Variants in ANKFN1 observed in about 807,000 individuals in gnomAD.
ANKFN1 encodes the protein ankyrin repeat and fibronectin type III domain containing 1, also known as ankyrin repeat and fibronectin type-III domain-containing protein 1.
In ANKFN1, 74 loss-of-function variants were observed where a neutral mutation model predicts 108.7. That is an observed-to-expected ratio of 0.68 (90% confidence interval 0.56 to 0.83). The LOEUF (loss-of-function observed/expected upper bound fraction) is 0.83. Among genes scored for constraint, ANKFN1 ranks in the 40% least tolerant of loss-of-function variants. ANKFN1 has a pLI of 0.00. For synonymous variants in ANKFN1, 547 were observed against 516.2 expected (o/e 1.06, Z -0.81); for missense variants, 1,505 against 1,382.3 (o/e 1.09, Z -1.41).
intron 4 of ANKFN1, among the ~76,000 whole-genome samples, chr17:56,140,460 G>A (rs1907852984): frequency 6.6e-6 from 1 of 152,110 alleles, no homozygotes; most frequent in African/African-American, 2.4e-5. Context: ...TTTCTCACTA[G>A]TGGCCTGCCA....
chr17:56,119,804 T>A (rs143618388), intron 4 of ANKFN1, among the ~76,000 whole-genome samples: 4 of 152,280 alleles, frequency 2.6e-5, no homozygotes, highest in African/African-American at 9.6e-5. Context: ...ATAGATTAAG[T>A]TATTTAATAG....
intron 6 of ANKFN1, among the ~76,000 whole-genome samples, chr17:56,354,701 T>C (rs1463969641): frequency 1.3e-5 from 2 of 152,162 alleles, no homozygotes; most frequent in African/African-American, 4.8e-5. Context: ...CACCCCTCAG[T>C]CTTCGGTAAA....
intron 8 of ANKFN1, among the ~76,000 whole-genome samples, chr17:56,378,966 C>T (rs1409920469): frequency 6.6e-6 from 1 of 152,156 alleles, no homozygotes; most frequent in East Asian, 1.9e-4. Context: ...ATTCTCCAAC[C>T]ATCTTGTAAA....
intron 1 of ANKFN1, among the ~76,000 whole-genome samples, chr17:56,167,318 C>CACACATAT (rs1461054331): frequency 7.5e-6 from 1 of 133,250 alleles, no homozygotes; most frequent in African/African-American, 2.8e-5. Flanking sequence ...CACACACACA[C>CACACATAT]ATATATATAT....
chr17:56,201,921 C>G (rs1198743181), intron 1 of ANKFN1, among the ~76,000 whole-genome samples: 1 of 152,146 alleles, frequency 6.6e-6, no homozygotes, highest in East Asian at 1.9e-4. Flanking sequence ...AAGAAATAAA[C>G]TAGGTCCATC....
intron 4 of ANKFN1, among the ~76,000 whole-genome samples, chr17:56,101,876 G>A (rs112841661): frequency 0.011 from 1,697 of 152,312 alleles, 33 homozygotes; most frequent in African/African-American, 0.039. Flanking sequence ...ATGAATCAGA[G>A]TCTCTGGAGG....
At chr17:56,052,234 G>T (rs557681630) in intron 4 of ANKFN1, among the ~76,000 whole-genome samples, 19 of 152,212 alleles carry the variant, frequency 1.2e-4, no homozygotes, top group African/African-American at 4.6e-4. Context: ...ATAGATAAAT[G>T]ATTTTTTTTA....
At chr17:56,360,093 G>T (rs2046476685) in intron 6 of ANKFN1, among the ~76,000 whole-genome samples, 1 of 152,100 alleles carries the variant, frequency 6.6e-6, no homozygotes, top group Admixed American at 6.6e-5. Context: ...ATAAGAATAT[G>T]TAAAGAACAA....
rs774546568 is a variant in ANKFN1, at chr17:56,466,581, T to C, written c.1773+10T>C. 7 of 1,590,444 alleles carry C rather than the reference T, an allele frequency of 4.4e-6. No homozygotes were observed. Among genetic ancestry groups the C allele is most frequent in the Non-Finnish European group, 6.0e-6 (7 of 1,167,230 alleles). ...ACTGATAACCATCCAGGTATGTAGTTTTTTTCTTAATTCCCGGGTATACTT... is the reference window on the plus strand; with the variant it reads ...ACTGATAACCATCCAGGTATGTAGTCTTTTTCTTAATTCCCGGGTATACTT... On this transcript the variant is annotated intron_variant, in intron 15 of 20. Coordinates refer to ENST00000682825, the MANE Select transcript of ANKFN1 (RefSeq NM_001370326.1).
At chr17:56,149,893 G>A (rs565745234), upstream of ANKFN1, among the ~76,000 whole-genome samples, 32 of 152,332 alleles carry the variant, frequency 2.1e-4, no homozygotes, top group African/African-American at 6.5e-4. Flanking sequence ...TTCCAGGGTT[G>A]GAAGGAAGCC....
intron 10 of ANKFN1, among the ~76,000 whole-genome samples, chr17:56,448,186 G>A (rs1219802064): frequency 6.6e-6 from 1 of 151,942 alleles, no homozygotes; most frequent in African/African-American, 2.4e-5. Context: ...AAGACATTAA[G>A]TTGTTGCTTT....
At chr17:56,274,780 A>G (rs1331389738) in intron 3 of ANKFN1, among the ~76,000 whole-genome samples, 2 of 152,150 alleles carry the variant, frequency 1.3e-5, no homozygotes, top group African/African-American at 2.4e-5. Context: ...GTTCAAGCTG[A>G]ATGTATTCAT....
intron 20 of ANKFN1, among the ~76,000 whole-genome samples, chr17:56,509,049 CA>C (rs1431052961): frequency 6.6e-6 from 1 of 152,110 alleles, no homozygotes; most frequent in Non-Finnish European, 1.5e-5. Context: ...CAGTGGAGCT[CA>C]AAAAGGCAGA....
At chr17:56,332,558 C>T (rs1329864122) in intron 4 of ANKFN1, among the ~76,000 whole-genome samples, 1 of 151,896 alleles carries the variant, frequency 6.6e-6, no homozygotes, top group African/African-American at 2.4e-5. Flanking sequence ...ATCTTTTTTC[C>T]TATTGAATTA....
chr17:56,353,690 C>A, intron 5 of ANKFN1, 146 bp from the exon 6 acceptor site: 1 of 691,762 alleles, frequency 1.4e-6, no homozygotes, highest in Non-Finnish European at 2.5e-6. Flanking sequence ...AGAGTGTTTA[C>A]TTTGGAGACC....
intron 8 of ANKFN1, among the ~76,000 whole-genome samples, chr17:56,417,357 C>T (rs964696241): frequency 2.0e-5 from 3 of 152,006 alleles, no homozygotes; most frequent in Non-Finnish European, 2.9e-5. Context: ...TACTACGTAC[C>T]CACAAAAGTT....
At chr17:56,351,048 T>C (rs8071263) in intron 5 of ANKFN1, 81 bp downstream of exon 5, 4 of 1,411,608 alleles carry the variant, frequency 2.8e-6, no homozygotes, top group Non-Finnish European at 3.9e-6. Context: ...AGATGATTCA[T>C]GTTTACTTCA....
At chr17:56,112,903 A>G (rs1906050939) in intron 4 of ANKFN1, among the ~76,000 whole-genome samples, 1 of 152,226 alleles carries the variant, frequency 6.6e-6, no homozygotes, top group Non-Finnish European at 1.5e-5. Flanking sequence ...ATACATATGC[A>G]TGTCGATATG....
At chr17:56,437,804 A>G (rs1249452423) in intron 8 of ANKFN1, among the ~76,000 whole-genome samples, 3 of 152,236 alleles carry the variant, frequency 2.0e-5, no homozygotes, top group East Asian at 1.9e-4. Context: ...TTTAGAATAC[A>G]TATTTGTAAG....
Sources: gnomAD v4.1 joint callset for allele counts (sites outside exome capture counted in the v4.1 genomes callset) on GRCh38, gnomAD v4.1.1 for gene constraint, MANE v1.5 for transcripts, NCBI Gene and HGNC (gene_info 2026-07-23, HGNC 2026-07-21) for gene names.